HS6ST3: variants seen among roughly 807,000 people sequenced by gnomAD.
HS6ST3 encodes the protein heparan-sulfate 6-O-sulfotransferase 3.
HS6ST3 carries 12 observed loss-of-function variants against 36.7 expected under a neutral mutation model. The ratio of observed to expected loss-of-function variants is 0.33; its 90% CI spans 0.21 to 0.53. HS6ST3 has a LOEUF of 0.53. Ranked by LOEUF, HS6ST3 falls within the 20% of genes least tolerant of loss-of-function variation. The probability of loss-of-function intolerance (pLI) is 0.95; values close to 1 mark genes in which losing one functional copy is unlikely to be tolerated. For synonymous variants in HS6ST3, 240 were observed against 257.5 expected, an observed-to-expected ratio of 0.93 and a Z score of 0.65; for missense variants, 584 against 640.9, an observed-to-expected ratio of 0.91 and a Z score of 0.96.
chr13:96,117,735 T>C (rs762820046), intron 1 of HS6ST3, among the ~76,000 whole-genome samples: 30 of 152,168 alleles, frequency 2.0e-4, no homozygotes, highest in Non-Finnish European at 3.5e-4. Context: ...ATTAAAAATA[T>C]GTAATAGACT....
chr13:96,370,337 C>T (rs907722646), intron 1 of HS6ST3, among the ~76,000 whole-genome samples: 19 of 152,226 alleles, frequency 1.2e-4, no homozygotes, highest in Middle Eastern at 3.4e-3. Context: ...CCCTTCAGAA[C>T]AATGAAATTT....
intron 1 of HS6ST3, among the ~76,000 whole-genome samples, chr13:96,488,551 G>A (rs1015309478): frequency 6.6e-6 from 1 of 152,154 alleles, no homozygotes; most frequent in East Asian, 1.9e-4. Flanking sequence ...CATGGACAGT[G>A]CTAGCTTATG....
intron 1 of HS6ST3, among the ~76,000 whole-genome samples, chr13:96,691,315 A>G (rs182170696): frequency 1.1e-3 from 168 of 152,222 alleles, no homozygotes; most frequent in African/African-American, 3.7e-3. Flanking sequence ...AGTTAGCTTC[A>G]ATATGTCCCT....
intron 1 of HS6ST3, among the ~76,000 whole-genome samples, chr13:96,545,562 T>G (rs748411055): frequency 1.3e-5 from 2 of 152,208 alleles, no homozygotes; most frequent in African/African-American, 2.4e-5. Context: ...AAGTATAGTT[T>G]GTGCTGAACT....
intron 1 of HS6ST3, among the ~76,000 whole-genome samples, chr13:96,227,489 C>T (rs1001263101): frequency 1.3e-5 from 2 of 152,184 alleles, no homozygotes; most frequent in African/African-American, 4.8e-5. Flanking sequence ...GATCAAAGAA[C>T]CTCTGTACTG....
At chr13:96,332,046 A>G (rs962421971) in intron 1 of HS6ST3, among the ~76,000 whole-genome samples, 3 of 152,210 alleles carry the variant, frequency 2.0e-5, no homozygotes, top group Non-Finnish European at 4.4e-5. Flanking sequence ...CGGCTCGCGC[A>G]GGGTGCACGC....
chr13:96,268,265 G>A (rs2054702602), intron 1 of HS6ST3, among the ~76,000 whole-genome samples: 1 of 151,994 alleles, frequency 6.6e-6, no homozygotes, highest in Admixed American at 6.6e-5. Flanking sequence ...AAAGGAAAGA[G>A]GTTTAATTGA....
chr13:96,319,166 C>A (rs962989931), intron 1 of HS6ST3, among the ~76,000 whole-genome samples: 17 of 152,160 alleles, frequency 1.1e-4, no homozygotes, highest in African/African-American at 3.1e-4. Flanking sequence ...CTTTCTGTAT[C>A]TATGGATTTG....
intron 1 of HS6ST3, among the ~76,000 whole-genome samples, chr13:96,509,958 A>G (rs1440938805): frequency 6.6e-6 from 1 of 151,958 alleles, no homozygotes; most frequent in Non-Finnish European, 1.5e-5. Flanking sequence ...TACACTATTG[A>G]TTCTCCCAAT....
intron 1 of HS6ST3, among the ~76,000 whole-genome samples, chr13:96,618,415 C>G (rs1427031219): frequency 7.9e-5 from 12 of 152,070 alleles, no homozygotes; most frequent in Non-Finnish European, 1.2e-4. Flanking sequence ...TCTTTATTTT[C>G]AGAGTAATTT....
At chr13:96,564,450 A>G (rs990920085) in intron 1 of HS6ST3, among the ~76,000 whole-genome samples, 1 of 152,212 alleles carries the variant, frequency 6.6e-6, no homozygotes, top group Non-Finnish European at 1.5e-5. Flanking sequence ...AGCACCTTGC[A>G]TAATGAATGT....
At chr13:96,283,130 CAG>C (rs1437606592) in intron 1 of HS6ST3, among the ~76,000 whole-genome samples, 1 of 152,168 alleles carries the variant, frequency 6.6e-6, no homozygotes, top group Non-Finnish European at 1.5e-5. Context: ...GATGGTGATG[CAG>C]AGTGTTTATT....
intron 1 of HS6ST3, among the ~76,000 whole-genome samples, chr13:96,188,193 TGA>T (rs2054273147): frequency 6.6e-6 from 1 of 152,224 alleles, no homozygotes; most frequent in African/African-American, 2.4e-5. Flanking sequence ...TTAACAAACA[TGA>T]GAGAACTTGA....
intron 1 of HS6ST3, among the ~76,000 whole-genome samples, chr13:96,265,945 T>C (rs567948652): frequency 6.6e-6 from 1 of 152,290 alleles, no homozygotes; most frequent in East Asian, 1.9e-4. Flanking sequence ...TTTTTCCTTA[T>C]CTGTAAGATG....
intron 1 of HS6ST3, among the ~76,000 whole-genome samples, chr13:96,366,448 C>T (rs1594763845): frequency 1.3e-5 from 2 of 148,548 alleles, no homozygotes; most frequent in Non-Finnish European, 3.0e-5. Context: ...GACCTTGTCT[C>T]AAATAAATAA....
rs1363093438 is a variant in HS6ST3 at position 96,834,345 on chromosome 13, T to G, written c.*1147T>G. 6.6e-6 allele frequency: 1 copy of G among 152,230 alleles called. No homozygotes were observed. Among genetic ancestry groups the G allele is most frequent in the African/African-American group, 2.4e-5 (1 of 41,468 alleles). The allele number at this position is 152,230 out of a possible 1,614,324, so 9.4% of individuals were successfully genotyped here. ...TTATCACAGGAGTTTAGAAAGACTC[T>G]GCCTCCCAGCATCTTGAATATCTCC... On this transcript the variant is annotated 3_prime_UTR_variant, in exon 2 of 2. Coordinates refer to ENST00000376705, the MANE Select transcript of HS6ST3 (RefSeq NM_153456.4).
chr13:96,315,946 C>T (rs1222813484), intron 1 of HS6ST3, among the ~76,000 whole-genome samples: 1 of 152,104 alleles, frequency 6.6e-6, no homozygotes, highest in Non-Finnish European at 1.5e-5. Context: ...TGCAGCAAGC[C>T]AGATATACCT....
At chr13:96,812,778 AACACAC>A (rs57237051) in intron 1 of HS6ST3, among the ~76,000 whole-genome samples, 1 of 150,776 alleles carries the variant, frequency 6.6e-6, no homozygotes, top group Non-Finnish European at 1.5e-5. Context: ...TTTAAAAATC[AACACAC>A]ACACACACAC....
At position 96,388,894 on chromosome 13, in the gene HS6ST3, G is replaced by T. The variant is rs2055381843; in HGVS notation, c.707+297325G>T. Among the ~76,000 whole-genome samples, 3 of 152,152 alleles carry T rather than the reference G, an allele frequency of 2.0e-5. No individual in the cohort carries two copies. The South Asian group carries it at 6.2e-4, about 32-fold the overall frequency. On this transcript the variant is annotated intron_variant, in intron 1 of 1. Transcript: ENST00000376705. Reference sequence around the variant, plus strand: ...AGTTTTCTGAGGCCTCCCCAGTCCTGCAGAACTGTGAGTCAATTAAACCTC... The same window carrying T: ...AGTTTTCTGAGGCCTCCCCAGTCCTTCAGAACTGTGAGTCAATTAAACCTC...
Sources: gnomAD v4.1 joint callset for allele counts (sites outside exome capture counted in the v4.1 genomes callset) on GRCh38, gnomAD v4.1.1 for gene constraint, MANE v1.5 for transcripts, NCBI Gene and HGNC (gene_info 2026-07-23, HGNC 2026-07-21) for gene names.